The following RIC8B variants were observed in gnomAD, a reference collection of about 807,000 sequenced individuals.
The protein encoded by RIC8B is RIC8 guanine nucleotide exchange factor B.
RIC8B carries 16 observed loss-of-function variants against 57.5 expected under a neutral mutation model. The ratio of observed to expected loss-of-function variants is 0.28; its 90% CI spans 0.19 to 0.42. RIC8B has a LOEUF of 0.42. RIC8B is among the 10% of genes least tolerant of loss of function. The pLI, the probability that RIC8B is intolerant of heterozygous loss-of-function variation, is 1.00. For synonymous variants in RIC8B, 216 were observed against 250.8 expected, an observed-to-expected ratio of 0.86 and a Z score of 1.31; for missense variants, 481 against 677.0, an observed-to-expected ratio of 0.71 and a Z score of 3.21.
chr12:106,807,424 C>A (rs901756766), intron 2 of RIC8B, among the ~76,000 whole-genome samples: 5 of 152,194 alleles, frequency 3.3e-5, no homozygotes, highest in Non-Finnish European at 5.9e-5. Context: ...AGTCATGCTT[C>A]ACCTTCTGAG....
At chr12:106,833,346 A>T (rs540388338) in intron 4 of RIC8B, among the ~76,000 whole-genome samples, 9 of 152,180 alleles carry the variant, frequency 5.9e-5, no homozygotes, top group Non-Finnish European at 1.3e-4. Context: ...TCACGCCTGT[A>T]ATCCCAGCAC....
At chr12:106,865,199 C>A (rs1950092427) in intron 8 of RIC8B, among the ~76,000 whole-genome samples, 1 of 152,152 alleles carries the variant, frequency 6.6e-6, no homozygotes, top group Non-Finnish European at 1.5e-5. Context: ...TACATAGCAG[C>A]TGCACCATTT....
chr12:106,866,928 G>A (rs1178543458), intron 8 of RIC8B, among the ~76,000 whole-genome samples: 1 of 152,128 alleles, frequency 6.6e-6, no homozygotes, highest in Non-Finnish European at 1.5e-5. Flanking sequence ...TTCCTACGAG[G>A]TATAAGCTCC....
At chr12:106,863,829 T>C (rs181721989) in intron 8 of RIC8B, among the ~76,000 whole-genome samples, 7 of 152,276 alleles carry the variant, frequency 4.6e-5, no homozygotes, top group Admixed American at 3.3e-4. Context: ...TCTATATCCT[T>C]TATGTCAAGG....
chr12:106,803,558 T>C (rs1033016185), intron 2 of RIC8B, among the ~76,000 whole-genome samples: 1 of 152,232 alleles, frequency 6.6e-6, no homozygotes, highest in African/African-American at 2.4e-5. Context: ...TTCCTGTTTC[T>C]TGTAAATAAA....
intron 4 of RIC8B, among the ~76,000 whole-genome samples, chr12:106,841,904 C>G (rs1416530653): frequency 6.6e-6 from 1 of 152,044 alleles, no homozygotes; most frequent in Non-Finnish European, 1.5e-5. Context: ...TTTGGGTTCC[C>G]CCTACTGGTG....
chr12:106,820,119 G>T (rs994600903), intron 3 of RIC8B, among the ~76,000 whole-genome samples: 1 of 152,126 alleles, frequency 6.6e-6, no homozygotes, highest in Non-Finnish European at 1.5e-5. Flanking sequence ...TACAGTTACA[G>T]AAAATGCAAA....
At chr12:106,829,725 C>T (rs992962739) in intron 4 of RIC8B, among the ~76,000 whole-genome samples, 20 of 152,144 alleles carry the variant, frequency 1.3e-4, no homozygotes, top group Admixed American at 3.9e-4. Context: ...CCATCCTTCT[C>T]CGTAACTCTT....
intron 2 of RIC8B, among the ~76,000 whole-genome samples, chr12:106,791,577 G>A (rs1164599419): frequency 6.6e-6 from 1 of 152,122 alleles, no homozygotes; most frequent in East Asian, 1.9e-4. Flanking sequence ...AGTTCATTCT[G>A]CCATTTCAAA....
At chr12:106,811,687 G>A (rs1039633439) in intron 2 of RIC8B, among the ~76,000 whole-genome samples, 1 of 152,072 alleles carries the variant, frequency 6.6e-6, no homozygotes, top group African/African-American at 2.4e-5. Context: ...AGAAGAAACT[G>A]TGTGTGTTTG....
intron 2 of RIC8B, among the ~76,000 whole-genome samples, chr12:106,805,417 A>G (rs2044961314): frequency 6.6e-6 from 1 of 152,082 alleles, no homozygotes; most frequent in Non-Finnish European, 1.5e-5. Context: ...AGATCACTTG[A>G]GTTCAGGAGA....
At chr12:106,842,846 A>G (rs778584789) in intron 5 of RIC8B, 29 bp downstream of exon 5, 1 of 1,371,942 alleles carries the variant, frequency 7.3e-7, no homozygotes, top group Non-Finnish European at 1.0e-6. Flanking sequence ...AAGCCCTGGG[A>G]AGATGCTTCC....
intron 2 of RIC8B, among the ~76,000 whole-genome samples, chr12:106,802,621 T>C (rs2044786899): frequency 6.6e-6 from 1 of 151,466 alleles, no homozygotes; most frequent in South Asian, 2.1e-4. Context: ...AAATCTGTTC[T>C]TAGAAATTCC....
chr12:106,826,723 C>T lies in RIC8B; in HGVS notation c.836+903C>T, dbSNP rs370091307. On this transcript the variant is annotated intron_variant, in intron 4 of 9. Transcript: ENST00000392837. ...TGAGCCAAGGTCGCACCGTTGCACT[C>T]CTGCCTAGGCAACAGAGTGAGACTC... Among the ~76,000 whole-genome samples, 4 of 152,246 alleles carry T rather than the reference C, an allele frequency of 2.6e-5. No homozygotes were observed. In the East Asian group the frequency reaches 5.8e-4, roughly 22 times the overall value.
At chr12:106,850,174 G>A (rs997405194) in intron 6 of RIC8B, among the ~76,000 whole-genome samples, 1 of 152,212 alleles carries the variant, frequency 6.6e-6, no homozygotes, top group African/African-American at 2.4e-5. Context: ...AGGTGGAACA[G>A]TTTCATCTTG....
intron 9 of RIC8B, among the ~76,000 whole-genome samples, chr12:106,873,613 G>A (rs973020133): frequency 2.6e-5 from 4 of 152,160 alleles, no homozygotes; most frequent in Admixed American, 6.6e-5. Flanking sequence ...GCAAGGCATC[G>A]TGCTAGGAAC....
chr12:106,868,747 G>T lies in RIC8B; in HGVS notation c.1452-2076G>T, dbSNP rs952350438. ...AAAGAGGAAATAGCACACAATGAGT[G>T]TCTAAAGCAGGCACTCTAGACACAC... On this transcript the variant is annotated intron_variant, in intron 8 of 9. Transcript: ENST00000392837. Among the ~76,000 whole-genome samples, 5 of 138,018 alleles carry T rather than the reference G, an allele frequency of 3.6e-5. No homozygotes were observed. The Admixed American group carries it at 3.7e-4, about 10-fold the overall frequency. The allele number at this position is 138,018 out of a possible 152,430, so 90.5% of individuals were successfully genotyped here.
intron 1 of RIC8B, among the ~76,000 whole-genome samples, chr12:106,778,956 C>G (rs1221319057): frequency 1.3e-5 from 2 of 152,200 alleles, no homozygotes; most frequent in Non-Finnish European, 2.9e-5. Flanking sequence ...CTTGTTGCCC[C>G]AGGCTGGAGT....
chr12:106,823,330 G>A, intron 3 of RIC8B: 1 of 406,916 alleles, frequency 2.5e-6, no homozygotes, highest in Admixed American at 2.6e-5. Flanking sequence ...AACAATCCAG[G>A]GATTTTGGTA....
Sources: allele counts gnomAD v4.1 joint callset (sites outside exome capture counted in the v4.1 genomes callset), GRCh38; gene constraint gnomAD v4.1.1; transcripts MANE v1.5; gene names NCBI Gene and HGNC (gene_info 2026-07-23, HGNC 2026-07-21).